Variants in KLHL14 observed in about 807,000 individuals in gnomAD.
KLHL14 encodes the protein kelch like family member 14.
Under a neutral mutation model 64.3 loss-of-function variants are expected in KLHL14, and 22 were observed. The ratio of observed to expected loss-of-function variants is 0.34; its 90% confidence interval spans 0.24 to 0.49. The LOEUF (loss-of-function observed/expected upper bound fraction) is 0.49, where lower values mean the gene tolerates loss of function less well. Ranked by LOEUF, KLHL14 falls within the 20% of genes least tolerant of loss-of-function variation. The probability of loss-of-function intolerance (pLI) is 0.99; values close to 1 mark genes in which losing one functional copy is unlikely to be tolerated. For missense variants in KLHL14, 661 were observed against 789.0 expected (o/e 0.84, Z 1.94); for synonymous variants, 322 against 333.4 (o/e 0.97, Z 0.37).
intron 2 of KLHL14, chr18:32,744,939 G>A (rs893152191): frequency 2.6e-5 from 4 of 152,242 alleles, no homozygotes; most frequent in Non-Finnish European, 5.9e-5. Context: ...TGCCAACAGT[G>A]ACATGATTCA....
Position 32,680,962 on chromosome 18 carries a change from A to C in KLHL14, c.1239-363T>G, listed in dbSNP as rs2049835828. Among the ~76,000 whole-genome samples, 1 of 152,330 alleles carries C rather than the reference A, an allele frequency of 6.6e-6. No individual in the cohort carries two copies. The highest frequency in any genetic ancestry group is 1.9e-4 in the East Asian group (1 of 5,184). ...TGTAAGGCAAAGTGAAAAATGAGGT[A>C]GATAATGTAACAATAATAAATTATC... On this transcript the variant is annotated intron_variant, in intron 5 of 8. Coordinates refer to ENST00000359358, the MANE Select transcript of KLHL14 (RefSeq NM_020805.3). The surrounding 1 kb of genome is among the most constrained non-coding windows in gnomAD (Gnocchi z 4.8).
At chr18:32,762,662 A>C (rs557613421) in intron 2 of KLHL14, among the ~76,000 whole-genome samples, 142 of 152,278 alleles carry the variant, frequency 9.3e-4, no homozygotes, top group Middle Eastern at 3.4e-3. Flanking sequence ...TCTGTACTAC[A>C]ACAGATAGCC....
intron 3 of KLHL14, among the ~76,000 whole-genome samples, chr18:32,706,607 C>A (rs2049991875): frequency 6.6e-6 from 1 of 152,136 alleles, no homozygotes; most frequent in African/African-American, 2.4e-5. Flanking sequence ...ACCGGGTTAT[C>A]TATGCAGGAC....
intron 4 of KLHL14, among the ~76,000 whole-genome samples, chr18:32,694,397 G>A (rs1305385866): frequency 1.3e-5 from 2 of 152,302 alleles, no homozygotes; most frequent in Admixed American, 1.3e-4. Context: ...CATTACAAAG[G>A]TAAGTTAGGG....
chr18:32,720,935 T>C (rs2050076233), intron 3 of KLHL14, among the ~76,000 whole-genome samples: 1 of 152,180 alleles, frequency 6.6e-6, no homozygotes, highest in South Asian at 2.1e-4. Context: ...ACTCTCCTCT[T>C]CCATAAGTCT....
intron 3 of KLHL14, among the ~76,000 whole-genome samples, chr18:32,698,411 G>C (rs950795894): frequency 4.6e-5 from 7 of 152,258 alleles, no homozygotes; most frequent in Admixed American, 2.0e-4. Flanking sequence ...GAGATTAAAG[G>C]CTGTCTAATT....
chr18:32,694,788 A>G (rs1598551982), intron 4 of KLHL14, among the ~76,000 whole-genome samples: 1 of 151,744 alleles, frequency 6.6e-6, no homozygotes, highest in African/African-American at 2.4e-5. Context: ...TACAACTGCA[A>G]CTCCTCCTTC....
chr18:32,709,824 T>C (rs554705990), intron 3 of KLHL14, among the ~76,000 whole-genome samples: 152 of 152,268 alleles, frequency 1.0e-3, no homozygotes, highest in Admixed American at 1.6e-3. Context: ...AAAGACAAAA[T>C]AGTTTAAAGT....
At chr18:32,752,746 C>A (rs1161497152) in intron 2 of KLHL14, among the ~76,000 whole-genome samples, 2 of 151,282 alleles carry the variant, frequency 1.3e-5, no homozygotes, top group African/African-American at 4.9e-5. Context: ...CTTAAAAATC[C>A]CAGGCTATTG....
chr18:32,750,797 C>T (rs1238988660), intron 2 of KLHL14, among the ~76,000 whole-genome samples: 1 of 152,132 alleles, frequency 6.6e-6, no homozygotes, highest in Non-Finnish European at 1.5e-5. Flanking sequence ...TTGGTTCTCC[C>T]TTGTGCTGTT....
At chr18:32,731,708 A>G (rs906194931) in intron 3 of KLHL14, among the ~76,000 whole-genome samples, 1 of 151,948 alleles carries the variant, frequency 6.6e-6, no homozygotes, top group African/African-American at 2.4e-5. Context: ...GTTCTATGAG[A>G]TCTACGTGTA....
intron 2 of KLHL14, among the ~76,000 whole-genome samples, chr18:32,742,645 C>A (rs2050204805): frequency 2.0e-5 from 3 of 152,086 alleles, no homozygotes; most frequent in Admixed American, 2.0e-4. Context: ...TTCCCCCACT[C>A]CCAGCTCACC....
rs374937994 is a variant in KLHL14 at position 32,724,844 on chromosome 18, T to C, written c.1069+17084A>G. Among the ~76,000 whole-genome samples, 4 of 152,336 alleles carry C rather than the reference T, an allele frequency of 2.6e-5. No homozygotes were observed. In the East Asian group the frequency reaches 7.7e-4, roughly 29 times the overall value. ...TAAGTTTGGACAAATTATTAATCTT[T>C]CTAAGTTTTCATTTTTTTCCATCCT... On this transcript the variant is annotated intron_variant, in intron 3 of 8. Transcript: ENST00000359358.
intron 2 of KLHL14, among the ~76,000 whole-genome samples, chr18:32,762,113 A>C (rs2144189504): frequency 6.6e-6 from 1 of 152,276 alleles, no homozygotes; most frequent in Non-Finnish European, 1.5e-5. Context: ...AAACAACAAA[A>C]AATCTTATTA....
intron 3 of KLHL14, among the ~76,000 whole-genome samples, chr18:32,714,887 CTT>C (rs67708920): frequency 2.0e-5 from 3 of 146,724 alleles, no homozygotes; most frequent in Admixed American, 6.8e-5. Context: ...TCTGGTGGTC[CTT>C]TTTTTTTTTT....
intron 2 of KLHL14, chr18:32,743,021 T>G (rs1303161734): frequency 6.6e-6 from 1 of 152,286 alleles, no homozygotes; most frequent in Non-Finnish European, 1.5e-5. Context: ...CTCGACCTGA[T>G]GGATGTACAA....
intron 3 of KLHL14, among the ~76,000 whole-genome samples, chr18:32,718,390 G>T (rs542672584): frequency 6.6e-6 from 1 of 152,238 alleles, no homozygotes; most frequent in East Asian, 1.9e-4. Flanking sequence ...CATCACATTT[G>T]TATGTTGTTT....
intron 2 of KLHL14, among the ~76,000 whole-genome samples, chr18:32,767,721 A>T (rs2050354309): frequency 6.6e-6 from 1 of 152,234 alleles, no homozygotes; most frequent in Non-Finnish European, 1.5e-5. Flanking sequence ...CTCTTCTAAC[A>T]TTGAACCTTA....
intron 3 of KLHL14, among the ~76,000 whole-genome samples, chr18:32,723,273 G>T (rs1258795783): frequency 6.6e-6 from 1 of 152,134 alleles, no homozygotes; most frequent in East Asian, 1.9e-4. Flanking sequence ...ATAAAAGGTA[G>T]TATTCATAGA....
Sources: allele counts gnomAD v4.1 joint callset (sites outside exome capture counted in the v4.1 genomes callset), GRCh38; gene constraint gnomAD v4.1.1; non-coding constraint Gnocchi (gnomAD v3.1); transcripts MANE v1.5; gene names NCBI Gene and HGNC (gene_info 2026-07-23, HGNC 2026-07-21).